The following RIT2 variants were observed in gnomAD, a reference collection of about 807,000 sequenced individuals.
RIT2 encodes the protein Ras like without CAAX 2, also known as GTP-binding protein Rit2.
RIT2 carries 24 observed loss-of-function variants against 23.7 expected under a neutral mutation model. The observed-to-expected ratio is 1.01, with a 90% CI of 0.73 to 1.43. The LOEUF (loss-of-function observed/expected upper bound fraction) is 1.43, where lower values mean the gene tolerates loss of function less well. RIT2 is among the 40% of genes most tolerant of loss of function. The probability of loss-of-function intolerance (pLI) is 0.00; values close to 1 mark genes in which losing one functional copy is unlikely to be tolerated. For missense variants in RIT2, 236 were observed against 266.9 expected (o/e 0.88, Z 0.81); for synonymous variants, 107 against 91.1 (o/e 1.17, Z -0.99).
chr18:42,877,140 A>G (rs568508418), intron 4 of RIT2, among the ~76,000 whole-genome samples: 1 of 152,046 alleles, frequency 6.6e-6, no homozygotes, highest in South Asian at 2.1e-4. Flanking sequence ...TTTGAAACTA[A>G]AGAAGAAAAC....
intron 2 of RIT2, among the ~76,000 whole-genome samples, chr18:42,975,308 T>TA (rs1412653288): frequency 1.3e-5 from 2 of 152,144 alleles, no homozygotes; most frequent in African/African-American, 4.8e-5. Context: ...GTTCTATTTA[T>TA]ACAATGAATC....
At chr18:43,055,879 G>T (rs1033379088) in intron 1 of RIT2, among the ~76,000 whole-genome samples, 5 of 152,060 alleles carry the variant, frequency 3.3e-5, no homozygotes, top group African/African-American at 9.7e-5. Context: ...AGCTAAATGA[G>T]CCAGGAAAGA....
intron 4 of RIT2, among the ~76,000 whole-genome samples, chr18:42,919,767 C>T (rs1909007281): frequency 6.6e-6 from 1 of 151,970 alleles, no homozygotes; most frequent in African/African-American, 2.4e-5. Flanking sequence ...TAACCTAGCT[C>T]CCAAATCCCT....
intron 4 of RIT2, among the ~76,000 whole-genome samples, chr18:42,786,681 G>A (rs1475918123): frequency 6.6e-6 from 1 of 151,970 alleles, no homozygotes; most frequent in Non-Finnish European, 1.5e-5. Context: ...TATCTTTCAT[G>A]TGAACTCTTT....
intron 4 of RIT2, among the ~76,000 whole-genome samples, chr18:42,809,462 C>T (rs924412776): frequency 6.6e-6 from 1 of 151,984 alleles, no homozygotes; most frequent in African/African-American, 2.4e-5. Flanking sequence ...TTTGTTTTTA[C>T]TTAGTCATGA....
chr18:43,003,052 AAAGAG>A (rs1323645354), intron 2 of RIT2, among the ~76,000 whole-genome samples: 2 of 151,934 alleles, frequency 1.3e-5, no homozygotes, highest in African/African-American at 4.8e-5. Flanking sequence ...GGAGCTGGGT[AAAGAG>A]CAAGGAAACA....
intron 2 of RIT2, among the ~76,000 whole-genome samples, chr18:43,000,570 AATCTC>A (rs1288697252): frequency 6.6e-6 from 1 of 151,998 alleles, no homozygotes; most frequent in Non-Finnish European, 1.5e-5. Flanking sequence ...TCCTCGCCCA[AATCTC>A]ATCTCAAATT....
chr18:42,972,788 A>T (rs572050811), intron 3 of RIT2, among the ~76,000 whole-genome samples: 3 of 151,924 alleles, frequency 2.0e-5, no homozygotes, highest in African/African-American at 7.2e-5. Context: ...ATCAATAAAA[A>T]ATTATAAACA....
chr18:43,061,904 T>C (rs950761688), intron 1 of RIT2, among the ~76,000 whole-genome samples: 1 of 152,104 alleles, frequency 6.6e-6, no homozygotes, highest in Non-Finnish European at 1.5e-5. Flanking sequence ...AAAGATGTAA[T>C]GCTCCTGCCC....
intron 2 of RIT2, among the ~76,000 whole-genome samples, chr18:43,028,755 T>A (rs1042229652): frequency 6.6e-6 from 1 of 151,930 alleles, no homozygotes; most frequent in African/African-American, 2.4e-5. Context: ...GATACATTAA[T>A]CTATGCAAAT....
chr18:42,875,599 A>G (rs192571775), intron 4 of RIT2, among the ~76,000 whole-genome samples: 23 of 152,146 alleles, frequency 1.5e-4, no homozygotes, highest in Admixed American at 5.3e-4. Context: ...TAGCTGAACT[A>G]TTGTTTAAAA....
chr18:43,022,268 T>G lies in RIT2; in HGVS notation c.160+11543A>C, dbSNP rs201002751. ...AGCTTTATTTTATGGAGGTAGAGAG[T>G]AGAATGATATTTACCAGATGCTAGG... On this transcript the variant is annotated intron_variant, in intron 2 of 4. Transcript: ENST00000326695. Among the ~76,000 whole-genome samples the G allele has an allele frequency of 1.1e-4, 16 of 152,118 alleles. No individual in the cohort carries two copies. The East Asian group carries it at 2.3e-3, about 22-fold the overall frequency.
At chr18:42,799,626 A>G (rs932363104) in intron 4 of RIT2, among the ~76,000 whole-genome samples, 1 of 152,184 alleles carries the variant, frequency 6.6e-6, no homozygotes, top group Non-Finnish European at 1.5e-5. Context: ...CCACTTTCTT[A>G]TAATACAATG....
At chr18:43,094,566 T>C (rs1454812025) in intron 1 of RIT2, among the ~76,000 whole-genome samples, 1 of 152,024 alleles carries the variant, frequency 6.6e-6, no homozygotes, top group Non-Finnish European at 1.5e-5. Context: ...GGAAATTGTA[T>C]TGAGAATAGG....
chr18:42,954,548 A>G (rs1302046139), intron 3 of RIT2, among the ~76,000 whole-genome samples: 4 of 152,046 alleles, frequency 2.6e-5, no homozygotes, highest in South Asian at 2.1e-4. Context: ...GTTCCTCCTT[A>G]TTCAAGACAC....
At chr18:42,795,107 C>T in intron 4 of RIT2, among the ~76,000 whole-genome samples, 1 of 152,334 alleles carries the variant, frequency 6.6e-6, no homozygotes, top group South Asian at 2.1e-4. Flanking sequence ...AGCCCTCGCT[C>T]GCTCTCGGCA....
intron 3 of RIT2, among the ~76,000 whole-genome samples, chr18:42,950,433 A>G (rs1307248514): frequency 6.6e-6 from 1 of 152,102 alleles, no homozygotes; most frequent in Non-Finnish European, 1.5e-5. Flanking sequence ...CTCAAACTAT[A>G]AGAATCCTAC....
intron 3 of RIT2, among the ~76,000 whole-genome samples, chr18:42,968,074 T>G (rs1232761548): frequency 6.6e-6 from 1 of 152,104 alleles, no homozygotes; most frequent in Non-Finnish European, 1.5e-5. Flanking sequence ...ATGTAAGAAT[T>G]TTATTTTAAG....
At chr18:43,031,287 C>T (rs558221594) in intron 2 of RIT2, among the ~76,000 whole-genome samples, 107 of 151,462 alleles carry the variant, frequency 7.1e-4, no homozygotes, top group Non-Finnish European at 1.3e-3. Flanking sequence ...GAGCTCCTGC[C>T]CTGGGCCTAA....
Sources: gnomAD v4.1 joint callset for allele counts (sites outside exome capture counted in the v4.1 genomes callset) on GRCh38, gnomAD v4.1.1 for gene constraint, MANE v1.5 for transcripts, NCBI Gene and HGNC (gene_info 2026-07-23, HGNC 2026-07-21) for gene names.